Variants in BOD1L1 observed in about 807,000 individuals in gnomAD.
BOD1L1 encodes biorientation of chromosomes in cell division 1 like 1, also known as biorientation of chromosomes in cell division protein 1-like 1.
BOD1L1 carries 86 observed loss-of-function variants against 240.7 expected under a neutral mutation model. That is an observed-to-expected ratio of 0.36 (90% CI 0.30 to 0.43). The LOEUF (loss-of-function observed/expected upper bound fraction) is 0.43. Ranked by LOEUF, BOD1L1 falls within the 20% of genes least tolerant of loss-of-function variation. BOD1L1 has a pLI of 1.00. For missense variants in BOD1L1, 3,554 were observed against 3,643.5 expected (o/e 0.98, Z 0.63); for synonymous variants, 1,268 against 1,272.3 (o/e 1.00, Z 0.07).
chr4:13,602,103 T>C lies in BOD1L1; in HGVS notation c.4797A>G (p.Gly1599=). The change falls in exon 10 of 26, where the codon GGA becomes GGG. Residue 1599 remains glycine, a synonymous_variant. Transcript: ENST00000040738. The part of the protein sequence containing the change: ...AEEGGAVVTE[G]FAESETFLTS... The stretch of plus-strand genomic sequence containing the variant: ...TGAGGAAGGTTTCACTTTCAGCAAA[T>C]CCCTCTGTGACAACAGCCCCACCTT... 1 of 1,613,974 alleles carries C rather than the reference T, an allele frequency of 6.2e-7. No homozygotes were observed. Among genetic ancestry groups the C allele is most frequent in the South Asian group, 1.1e-5 (1 of 91,082 alleles).
At chr4:13,582,922 A>G (rs138365206) in intron 17 of BOD1L1, among the ~76,000 whole-genome samples, 186 bp from the exon 18 acceptor site, 169 of 152,356 alleles carry the variant, frequency 1.1e-3, no homozygotes, top group African/African-American at 3.7e-3. Context: ...AAAAATAAAC[A>G]TTCTGAGAAC....
Position 13,627,651 on chromosome 4 carries a change from C to T in BOD1L1, c.-64G>A. ...GGACGATCCTGGGAGGCGGCGGCTGCACTGGTCCCGCCGCCTGAGGGAAGC... is the reference window on the plus strand; with the variant it reads ...GGACGATCCTGGGAGGCGGCGGCTGTACTGGTCCCGCCGCCTGAGGGAAGC... On this transcript the variant is annotated 5_prime_UTR_variant, in exon 1 of 26. Transcript: ENST00000040738. 9.1e-7 allele frequency: 1 copy of T among 1,096,450 alleles called. No homozygotes were observed. Among genetic ancestry groups the T allele is most frequent in the Non-Finnish European group, 1.1e-6 (1 of 899,518 alleles). 67.9% of individuals were successfully genotyped at this position (1,096,450 alleles called of 1,614,324 possible). A position where few individuals can be genotyped will look rare whatever the true frequency, so the allele number is the denominator to read the frequency against.
At chr4:13,619,462 T>C (rs564316600) in intron 2 of BOD1L1, among the ~76,000 whole-genome samples, 2 of 152,174 alleles carry the variant, frequency 1.3e-5, no homozygotes, top group South Asian at 4.2e-4. Context: ...ATATCATTCA[T>C]AAACAGCAGT....
In BOD1L1 at chr4:13,614,787, C is replaced by T. The variant is rs1716456632; in HGVS notation, c.583G>A (p.Ala195Thr). ...TQGVPTPGPSANVANDAMSIL... is the reference protein window; with the variant it reads ...TQGVPTPGPSTNVANDAMSIL... ...GACATGGCATCATTGGCTACATTAG[C>T]ACTGGGCCCAGGAGTAGGAACACCT... Residue 195 changes from alanine to threonine, a missense_variant, in exon 4 of 26, where the codon GCT becomes ACT. This residue lies in a region of BOD1L1 where 3,393 missense variants were observed against 3,427.1 expected (regional missense o/e 0.99). Transcript: ENST00000040738. 3 of 1,613,044 alleles carry T rather than the reference C, an allele frequency of 1.9e-6. No homozygotes were observed. In the East Asian group the frequency reaches 6.7e-5, roughly 36 times the overall value.
intron 17 of BOD1L1, 75 bp downstream of exon 17, chr4:13,586,321 C>T: frequency 1.4e-6 from 1 of 736,328 alleles, no homozygotes; most frequent in Non-Finnish European, 2.3e-6. Flanking sequence ...AAATATTATA[C>T]TAAGTATTTA....
Position 13,573,854 on chromosome 4 carries a change from T to G in BOD1L1, c.9038+2984A>C, listed in dbSNP as rs902053071. Among the ~76,000 whole-genome samples, 7 of 152,142 alleles carry G rather than the reference T, an allele frequency of 4.6e-5. No individual in the cohort carries two copies. The East Asian group carries it at 1.4e-3, about 29-fold the overall frequency. ...TATATTTTATTAATTTAATTTAATT[T>G]TTTCTTTTAAGAGGGTCTTGCTATG... On this transcript the variant is annotated intron_variant, in intron 25 of 25. Transcript: ENST00000040738.
At position 13,615,017 on chromosome 4, in the gene BOD1L1, C is replaced by T. The variant is rs538660818; in HGVS notation, c.560-207G>A. On this transcript the variant is annotated intron_variant, in intron 3 of 25. Transcript: ENST00000040738. ...CTAATATATTATCTTAGCGAGGGCACCATGCAAATCTGAGGAGTTGTCTAC... is the reference window on the plus strand; with the variant it reads ...CTAATATATTATCTTAGCGAGGGCATCATGCAAATCTGAGGAGTTGTCTAC... Among the ~76,000 whole-genome samples, 4 of 152,228 alleles carry T rather than the reference C, an allele frequency of 2.6e-5. No homozygotes were observed. The South Asian group carries it at 6.2e-4, about 24-fold the overall frequency.
intron 15 of BOD1L1, 93 bp from the exon 16 acceptor site, chr4:13,587,864 A>G: frequency 1.2e-6 from 1 of 865,810 alleles, no homozygotes. Flanking sequence ...AACCTTTGGA[A>G]TAAGTTGATA....
At chr4:13,597,241 G>A (rs1215850481) in intron 10 of BOD1L1, 73 bp from the exon 11 acceptor site, 24 of 1,154,804 alleles carry the variant, frequency 2.1e-5, no homozygotes, top group Non-Finnish European at 2.9e-5. Context: ...AAAAAGTAAT[G>A]GAATGTGGTT....
chr4:13,586,464 C>T lies in BOD1L1; in HGVS notation c.8365G>A (p.Asp2789Asn). The T allele has an allele frequency of 1.2e-6, 2 of 1,608,180 alleles. No individual in the cohort carries two copies. Among genetic ancestry groups the T allele is most frequent in the East Asian group, 2.2e-5 (1 of 44,790 alleles). Residue 2789 changes from aspartate (D) to asparagine (N), a missense_variant, in exon 17 of 26, where the codon GAT (aspartate) becomes AAT (asparagine). By Grantham distance (23) the Asp-to-Asn change is conservative. This residue lies in a region of BOD1L1 where 3,393 missense variants were observed against 3,427.1 expected (regional missense o/e 0.99). Coordinates refer to ENST00000040738, the MANE Select transcript of BOD1L1 (RefSeq NM_148894.3). ...GTTTCTATTCTGGAATCCAGGACAT[C>T]TGGATTATCATCTGTAAATCAGTTT... ...SSEDEPDDNP[D>N]VLDSRIETAQ...
At chr4:13,607,480 TAG>T (rs1479053223) in intron 8 of BOD1L1, among the ~76,000 whole-genome samples, 6 of 152,166 alleles carry the variant, frequency 3.9e-5, no homozygotes, top group Non-Finnish European at 8.8e-5. Flanking sequence ...GTATTTTTAG[TAG>T]AGACAGGGTT....
intron 17 of BOD1L1, among the ~76,000 whole-genome samples, chr4:13,584,295 G>A (rs1353679077): frequency 6.6e-6 from 1 of 152,248 alleles, no homozygotes; most frequent in Non-Finnish European, 1.5e-5. Flanking sequence ...AGGCTTCACT[G>A]AGACACTCAT....
chr4:13,601,882 A>G lies in BOD1L1; in HGVS notation c.5018T>C (p.Ile1673Thr), dbSNP rs374545494. 3 of 1,613,990 alleles carry G rather than the reference A, an allele frequency of 1.9e-6. No homozygotes were observed. The highest frequency in any genetic ancestry group is 2.5e-6 in the Non-Finnish European group (3 of 1,179,896). ...AATAAAAGTAATAGTTCCTTCAACT[A>G]TTTCTGAGTCTCTACTTAAAGAACC... Reference protein sequence around the residue: ...CDGSLSRDSEIVEGTITFISE... With the variant: ...CDGSLSRDSETVEGTITFISE... The change falls in exon 10 of 26, where the codon ATA (isoleucine) becomes ACA (threonine). Residue 1673 changes from isoleucine (I) to threonine (T), a missense_variant. Around this residue, in one of 2 missense-constraint regions of BOD1L1, gnomAD observed 3,393 missense variants for 3,427.1 expected, o/e 0.99. Transcript: ENST00000040738.
intron 4 of BOD1L1, 75 bp downstream of exon 4, chr4:13,614,121 G>A (rs1716386505): frequency 7.8e-7 from 1 of 1,275,184 alleles, no homozygotes; most frequent in Non-Finnish European, 1.0e-6. Flanking sequence ...AAATATGAAG[G>A]CAAATTTGAT....
At chr4:13,581,379 C>A (rs1040749058) in intron 19 of BOD1L1, among the ~76,000 whole-genome samples, 172 bp from the exon 20 acceptor site, 1 of 152,158 alleles carries the variant, frequency 6.6e-6, no homozygotes, top group Non-Finnish European at 1.5e-5. Flanking sequence ...TTACTGATCT[C>A]ACCATTGCTT....
In BOD1L1 at chr4:13,599,639, C is replaced by G; in HGVS notation, c.7261G>C (p.Gly2421Arg). Residue 2421 changes from glycine to arginine, a missense_variant, in exon 10 of 26, where the codon GGC becomes CGC. By Grantham distance (125) the Gly-to-Arg change is moderately radical (BLOSUM62 -2). Transcript: ENST00000040738. ...PSVHKPSAGQ[G>R]HPSAVCAEKE... Reference sequence around the variant, plus strand: ...TCCGCACAAACAGCACTTGGATGGCCTTGCCCTGCAGAGGGCTTGTGGACT... The same window carrying G: ...TCCGCACAAACAGCACTTGGATGGCGTTGCCCTGCAGAGGGCTTGTGGACT... The G allele has an allele frequency of 6.2e-7, 1 of 1,614,044 alleles. No individual in the cohort carries two copies. The highest frequency in any genetic ancestry group is 8.5e-7 in the Non-Finnish European group (1 of 1,179,900).
At position 13,604,782 on chromosome 4, in the gene BOD1L1, A is replaced by G; in HGVS notation, c.2118T>C (p.Asp706=). 1 of 1,613,352 alleles carries G rather than the reference A, an allele frequency of 6.2e-7. No individual in the cohort carries two copies. ...TLKNEKHLKK[D]DSETPHLKSL... is the part of the protein sequence containing the mutation. ...TTTTCAAATGTGGTGTTTCAGAATC[A>G]TCTTTCTTTAGATGCTTTTCGTTTT... Residue 706 remains aspartate (D), a synonymous_variant, in exon 10 of 26, where the codon GAT becomes GAC. Transcript: ENST00000040738.
At chr4:13,574,231 A>G (rs1018925813) in intron 25 of BOD1L1, among the ~76,000 whole-genome samples, 3 of 152,192 alleles carry the variant, frequency 2.0e-5, no homozygotes, top group African/African-American at 7.2e-5. Flanking sequence ...CAAAAGCAGG[A>G]AGACCCTTTC....
At chr4:13,587,897 A>G (rs1713838745) in intron 15 of BOD1L1, 126 bp from the exon 16 acceptor site, 2 of 657,344 alleles carry the variant, frequency 3.0e-6, no homozygotes, top group Admixed American at 3.1e-5. Context: ...AAAAATCTAG[A>G]ACACTTGGCC....
Sources: gnomAD v4.1 joint callset for allele counts (sites outside exome capture counted in the v4.1 genomes callset) on GRCh38, gnomAD v4.1.1 for gene constraint, gnomAD v4.1.1 regional missense constraint, MANE v1.5 for transcripts, NCBI Gene and HGNC (gene_info 2026-07-23, HGNC 2026-07-21) for gene names.